The following PTPRO variants were observed in gnomAD, a reference collection of about 807,000 sequenced individuals.
PTPRO encodes protein tyrosine phosphatase receptor type O.
PTPRO carries 62 observed loss-of-function variants against 145.2 expected under a neutral mutation model. The observed-to-expected ratio is 0.43, with a 90% CI of 0.35 to 0.53. The LOEUF is 0.53. Ranked by LOEUF, PTPRO falls within the 20% of genes least tolerant of loss-of-function variation. The pLI is 0.01. For synonymous variants in PTPRO, 565 were observed against 514.7 expected (o/e 1.10, Z -1.32); for missense variants, 1,345 against 1,482.7 (o/e 0.91, Z 1.53).
At chr12:15,493,099 G>GA (rs975935525) in intron 2 of PTPRO, among the ~76,000 whole-genome samples, 1 of 151,822 alleles carries the variant, frequency 6.6e-6, no homozygotes, top group African/African-American at 2.4e-5. Context: ...AGGTACAAGA[G>GA]AAAAAAAGCG....
intron 1 of PTPRO, among the ~76,000 whole-genome samples, chr12:15,323,168 G>A (rs902421692): frequency 2.6e-5 from 4 of 152,294 alleles, no homozygotes; most frequent in Admixed American, 2.6e-4. Flanking sequence ...TAACCTTTCC[G>A]CCCTCCCTCG....
Position 15,501,931 on chromosome 12 carries a change from A to C in PTPRO, c.973A>C (p.Ser325Arg), listed in dbSNP as rs367766063. 2 of 1,613,940 alleles carry C rather than the reference A, an allele frequency of 1.2e-6. No individual in the cohort carries two copies. Among genetic ancestry groups the C allele is most frequent in the African/African-American group, 2.7e-5 (2 of 74,900 alleles). ...SVLPMEYENN[S>R]TLSETEKSTS... Reference sequence around the variant, plus strand: ...ACTTCCCATGGAATACGAAAATAACAGTACACTCAGTGAGACAGAGAAGTC... The same window carrying C: ...ACTTCCCATGGAATACGAAAATAACCGTACACTCAGTGAGACAGAGAAGTC... Residue 325 changes from serine (S) to arginine (R), a missense_variant, in exon 5 of 27, where the codon AGT becomes CGT. This residue lies in a region of PTPRO where 1,130 missense variants were observed against 1,214.7 expected (regional missense o/e 0.93). Transcript: ENST00000281171.
intron 18 of PTPRO, 127 bp downstream of exon 18, chr12:15,565,755 C>T: frequency 1.4e-6 from 1 of 696,350 alleles, no homozygotes; most frequent in Non-Finnish European, 2.5e-6. Flanking sequence ...ATTACAATAG[C>T]TAAGCACAAT....
At chr12:15,425,848 A>G (rs1940271294) in intron 1 of PTPRO, among the ~76,000 whole-genome samples, 1 of 151,988 alleles carries the variant, frequency 6.6e-6, no homozygotes, top group African/African-American at 2.4e-5. Context: ...ATTGATGTTT[A>G]AGTGTTCCCT....
chr12:15,414,259 C>G (rs1939883505), intron 1 of PTPRO, among the ~76,000 whole-genome samples: 1 of 152,158 alleles, frequency 6.6e-6, no homozygotes, highest in Non-Finnish European at 1.5e-5. Context: ...TTTAAGGGGT[C>G]TTGTTAAAAT....
intron 1 of PTPRO, among the ~76,000 whole-genome samples, chr12:15,424,670 G>T (rs1323125801): frequency 6.6e-6 from 1 of 152,018 alleles, no homozygotes; most frequent in Non-Finnish European, 1.5e-5. Flanking sequence ...ATAAGGTTAT[G>T]AAGGTATCCC....
intron 6 of PTPRO, among the ~76,000 whole-genome samples, chr12:15,507,141 G>A (rs1237998139): frequency 1.3e-5 from 2 of 152,000 alleles, no homozygotes; most frequent in East Asian, 1.9e-4. Flanking sequence ...GGCCAGGCAC[G>A]GTGGCTCACA....
chr12:15,456,450 G>C (rs935529721), intron 1 of PTPRO, among the ~76,000 whole-genome samples: 1 of 152,072 alleles, frequency 6.6e-6, no homozygotes, highest in African/African-American at 2.4e-5. Context: ...CAGTGTCTTT[G>C]TTTGGCATTG....
intron 1 of PTPRO, among the ~76,000 whole-genome samples, chr12:15,438,648 T>C (rs1336156191): frequency 1.3e-5 from 2 of 151,746 alleles, no homozygotes; most frequent in South Asian, 2.1e-4. Flanking sequence ...TAACCCAATA[T>C]GGCAAAAATA....
intron 7 of PTPRO, among the ~76,000 whole-genome samples, chr12:15,512,795 A>G (rs1291929133): frequency 6.6e-6 from 1 of 152,054 alleles, no homozygotes; most frequent in Non-Finnish European, 1.5e-5. Context: ...GGAGTTTGAG[A>G]CCAGCCTGAC....
chr12:15,594,555 A>G (rs187426017), intron 25 of PTPRO, among the ~76,000 whole-genome samples: 20 of 152,008 alleles, frequency 1.3e-4, no homozygotes, highest in African/African-American at 4.8e-4. Context: ...ATACACACAC[A>G]TATATATAAA....
At chr12:15,364,558 C>A (rs56361757) in intron 1 of PTPRO, among the ~76,000 whole-genome samples, 4 of 152,002 alleles carry the variant, frequency 2.6e-5, no homozygotes, top group East Asian at 1.9e-4. Flanking sequence ...CTGTGACAAG[C>A]AGCCTCTGTA....
At chr12:15,326,112 G>A (rs1008053887) in intron 1 of PTPRO, among the ~76,000 whole-genome samples, 1 of 152,030 alleles carries the variant, frequency 6.6e-6, no homozygotes, top group African/African-American at 2.4e-5. Context: ...CCTTTCCTAT[G>A]TCTCCCCTCG....
intron 1 of PTPRO, among the ~76,000 whole-genome samples, chr12:15,355,308 T>A (rs1399230996): frequency 6.6e-6 from 1 of 152,124 alleles, no homozygotes; most frequent in Admixed American, 6.5e-5. Context: ...TAGTCCCAGG[T>A]TTGTTTGGGA....
At chr12:15,351,287 A>G (rs1233912532) in intron 1 of PTPRO, among the ~76,000 whole-genome samples, 1 of 152,132 alleles carries the variant, frequency 6.6e-6, no homozygotes, top group African/African-American at 2.4e-5. Context: ...TATTCCAGAG[A>G]ATATTTGAAA....
At chr12:15,399,427 T>C (rs1168042155) in intron 1 of PTPRO, among the ~76,000 whole-genome samples, 1 of 152,250 alleles carries the variant, frequency 6.6e-6, no homozygotes. Flanking sequence ...AGGAGTTGAA[T>C]CCAGGCAGTC....
At chr12:15,496,190 T>G (rs947640664) in intron 2 of PTPRO, among the ~76,000 whole-genome samples, 5 of 123,346 alleles carry the variant, frequency 4.1e-5, no homozygotes, top group African/African-American at 1.5e-4. Flanking sequence ...TTGCCCAGGC[T>G]GGGGTGCAAT....
chr12:15,530,425 C>G (rs184703838), intron 12 of PTPRO, among the ~76,000 whole-genome samples: 1 of 152,286 alleles, frequency 6.6e-6, no homozygotes, highest in East Asian at 1.9e-4. Context: ...ATGGAATACA[C>G]ATTGTTTTCA....
chr12:15,511,022 A>AAAAAAT (rs1942429901), intron 7 of PTPRO, among the ~76,000 whole-genome samples: 2 of 149,762 alleles, frequency 1.3e-5, no homozygotes, highest in South Asian at 4.2e-4. Context: ...AAAAAAAAAA[A>AAAAAAT]TTGCCTATCA....
Sources: gnomAD v4.1 joint callset for allele counts (sites outside exome capture counted in the v4.1 genomes callset) on GRCh38, gnomAD v4.1.1 for gene constraint, gnomAD v4.1.1 regional missense constraint, MANE v1.5 for transcripts, NCBI Gene and HGNC (gene_info 2026-07-23, HGNC 2026-07-21) for gene names.